The following ATAD2 variants were observed in gnomAD, a reference collection of about 807,000 sequenced individuals.
The protein encoded by ATAD2 is ATPase family AAA domain containing 2, also known as ATPase family AAA domain-containing protein 2.
In ATAD2, 62 loss-of-function variants were observed where a neutral mutation model predicts 168.9. The observed-to-expected ratio is 0.37, with a 90% CI of 0.30 to 0.45. The LOEUF (loss-of-function observed/expected upper bound fraction) is 0.45, where lower values mean the gene tolerates loss of function less well. Among genes scored for constraint, ATAD2 ranks in the 20% least tolerant of loss-of-function variants. The probability of loss-of-function intolerance (pLI) is 1.00; values close to 1 mark genes in which losing one functional copy is unlikely to be tolerated. For synonymous variants in ATAD2, 613 were observed against 571.6 expected, an observed-to-expected ratio of 1.07 and a Z score of -1.03; for missense variants, 1,419 against 1,667.8, an observed-to-expected ratio of 0.85 and a Z score of 2.60.
chr8:123,415,215 G>C (rs1813234941), intron 1 of ATAD2, among the ~76,000 whole-genome samples: 1 of 152,128 alleles, frequency 6.6e-6, no homozygotes, highest in South Asian at 2.1e-4. Flanking sequence ...TGTTTGAGGA[G>C]GCTAAAGATA....
At chr8:123,389,135 T>TA (rs1302774948) in intron 1 of ATAD2, among the ~76,000 whole-genome samples, 2 of 142,788 alleles carry the variant, frequency 1.4e-5, no homozygotes, top group African/African-American at 2.7e-5. Context: ...CCCGGCTAAT[T>TA]TTTTTTTTTT....
intron 26 of ATAD2, among the ~76,000 whole-genome samples, chr8:123,325,556 G>C (rs1029128829): frequency 6.6e-6 from 1 of 152,050 alleles, no homozygotes; most frequent in African/African-American, 2.4e-5. Context: ...AAAGTGCTAG[G>C]ATTACAGGCA....
At chr8:123,367,031 G>A (rs1829000097) in intron 8 of ATAD2, among the ~76,000 whole-genome samples, 1 of 152,086 alleles carries the variant, frequency 6.6e-6, no homozygotes, top group African/African-American at 2.4e-5. Flanking sequence ...ACACATATCT[G>A]TCTACATGTG....
intron 25 of ATAD2, among the ~76,000 whole-genome samples, chr8:123,326,566 T>A (rs1827621421): frequency 6.6e-6 from 1 of 151,808 alleles, no homozygotes. Flanking sequence ...TAGTCCCAGC[T>A]GCTTGGGAGG....
At chr8:123,401,632 C>A in intron 1 of ATAD2, 2 of 947,196 alleles carry the variant, frequency 2.1e-6, no homozygotes, top group East Asian at 2.4e-5. Flanking sequence ...CTGAGTATGC[C>A]CGGCACTTTG....
chr8:123,411,050 C>T (rs1367295420), intron 1 of ATAD2, among the ~76,000 whole-genome samples: 1 of 152,134 alleles, frequency 6.6e-6, no homozygotes, highest in Non-Finnish European at 1.5e-5. Flanking sequence ...TCCATGAGGC[C>T]AAGAACCCCA....
intron 1 of ATAD2, among the ~76,000 whole-genome samples, chr8:123,409,880 G>A (rs955870624): frequency 6.9e-6 from 1 of 145,710 alleles, no homozygotes; most frequent in East Asian, 2.0e-4. Context: ...AGGTTGCAGT[G>A]AGCCGAGATT....
chr8:123,375,455 G>C (rs1829280657), intron 2 of ATAD2, among the ~76,000 whole-genome samples: 1 of 152,264 alleles, frequency 6.6e-6, no homozygotes, highest in Admixed American at 6.5e-5. Flanking sequence ...TTTTGGAAAA[G>C]TATGCTACTT....
In ATAD2 at chr8:123,321,097, G is replaced by A. The variant is rs970013476; in HGVS notation, c.*37C>T. 3.1e-6 allele frequency: 5 copies of A among 1,588,014 alleles called. No individual in the cohort carries two copies. The highest frequency in any genetic ancestry group is 3.4e-6 in the Non-Finnish European group (4 of 1,163,624). On this transcript the variant is annotated 3_prime_UTR_variant, in exon 28 of 28. Transcript: ENST00000287394. ...GACATGACAAAAATGACTTAAATAG[G>A]AACTGAATATAAAGAATACTCGATA...
intron 27 of ATAD2, among the ~76,000 whole-genome samples, chr8:123,322,476 G>A (rs998759562): frequency 9.2e-5 from 14 of 152,084 alleles, no homozygotes; most frequent in Admixed American, 2.6e-4. Context: ...CAAGATCGGC[G>A]TGGGCAACAT....
chr8:123,331,906 G>A (rs1442547205), intron 24 of ATAD2, among the ~76,000 whole-genome samples: 1 of 152,128 alleles, frequency 6.6e-6, no homozygotes, highest in African/African-American at 2.4e-5. Context: ...CACAGGAGGT[G>A]GCTCCAAAAT....
rs1447061699 is a variant in ATAD2, at chr8:123,339,369, A to C, written c.2796T>G (p.Phe932Leu). 1 of 1,601,582 alleles carries C rather than the reference A, an allele frequency of 6.2e-7. No individual in the cohort carries two copies. The highest frequency in any genetic ancestry group is 8.5e-7 in the Non-Finnish European group (1 of 1,172,514). Residue 932 changes from phenylalanine to leucine, a missense_variant, in exon 20 of 28, where the codon TTT becomes TTG. By Grantham distance (22) the Phe-to-Leu change is conservative (BLOSUM62 0). Coordinates refer to ENST00000287394, the MANE Select transcript of ATAD2 (RefSeq NM_014109.4). ...CTTGTTTTAGAATTAAATCTTCAAA[A>C]AATTTTGTCCGTTCTTCTTTATCCG... ...QLPDKEERTK[F>L]FEDLILKQAA...
Position 123,348,276 on chromosome 8 carries a change from A to G in ATAD2, c.1807-3T>C. ...ATCTTTAGAATCTCTTTTCGAGCCT[A>G]TGAATAAAAACAATTTAATTTTTTA... is the stretch of plus-strand genomic sequence containing the variant. On this transcript the variant is annotated splice_region_variant and splice_polypyrimidine_tract_variant and intron_variant, in intron 14 of 27. Coordinates refer to ENST00000287394, the MANE Select transcript of ATAD2 (RefSeq NM_014109.4). 1.3e-6 allele frequency: 2 copies of G among 1,565,818 alleles called. No homozygotes were observed. The highest frequency in any genetic ancestry group is 1.7e-6 in the Non-Finnish European group (2 of 1,152,186).
At chr8:123,367,420 C>A (rs2034342405) in intron 8 of ATAD2, among the ~76,000 whole-genome samples, 1 of 152,066 alleles carries the variant, frequency 6.6e-6, no homozygotes, top group South Asian at 2.1e-4. Context: ...TCCTCTTAAA[C>A]AAAACAAAAC....
intron 19 of ATAD2, 95 bp downstream of exon 19, chr8:123,344,789 C>T (rs1182532197): frequency 2.2e-6 from 3 of 1,360,686 alleles, no homozygotes; most frequent in Non-Finnish European, 3.1e-6. Flanking sequence ...CTTTTATTCA[C>T]TTCTACAGCA....
At chr8:123,385,902 CAAAG>C (rs959774416) in intron 1 of ATAD2, among the ~76,000 whole-genome samples, 3 of 150,416 alleles carry the variant, frequency 2.0e-5, no homozygotes, top group Non-Finnish European at 3.0e-5. Context: ...GAGATTTCTC[CAAAG>C]ATAGACAAAT....
chr8:123,378,576 C>T (rs1050745459), intron 2 of ATAD2, among the ~76,000 whole-genome samples: 1 of 151,670 alleles, frequency 6.6e-6, no homozygotes, highest in African/African-American at 2.4e-5. Context: ...GTGGTGCGTG[C>T]CTGTAATCCC....
upstream of ATAD2, chr8:123,401,046 C>G: frequency 6.4e-7 from 1 of 1,571,258 alleles, no homozygotes; most frequent in Non-Finnish European, 8.7e-7. Flanking sequence ...CGGTGGGCAT[C>G]GTCACTTCCC....
chr8:123,396,113 G>T, intron 1 of ATAD2, 74 bp downstream of exon 1: 1 of 1,455,478 alleles, frequency 6.9e-7, no homozygotes, highest in Non-Finnish European at 9.0e-7. Context: ...CCACCCCCAG[G>T]CCCCTCCGAG....
Sources: gnomAD v4.1 joint callset for allele counts (sites outside exome capture counted in the v4.1 genomes callset) on GRCh38, gnomAD v4.1.1 for gene constraint, MANE v1.5 for transcripts, NCBI Gene and HGNC (gene_info 2026-07-23, HGNC 2026-07-21) for gene names.